The following SHROOM3 variants were observed in gnomAD, a reference collection of about 807,000 sequenced individuals.
The protein encoded by SHROOM3 is protein Shroom3.
SHROOM3 carries 47 observed loss-of-function variants against 138.6 expected under a neutral mutation model. The observed-to-expected ratio is 0.34, with a 90% CI of 0.27 to 0.43. The LOEUF (loss-of-function observed/expected upper bound fraction) is 0.43. Ranked by LOEUF, SHROOM3 falls within the 20% of genes least tolerant of loss-of-function variation. SHROOM3 has a pLI of 1.00. For missense variants in SHROOM3, 2,491 were observed against 2,596.5 expected, an observed-to-expected ratio of 0.96 and a Z score of 0.88; for synonymous variants, 1,062 against 1,063.3, an observed-to-expected ratio of 1.00 and a Z score of 0.02.
intron 2 of SHROOM3, among the ~76,000 whole-genome samples, chr4:76,648,614 C>T (rs967553707): frequency 2.0e-5 from 3 of 152,098 alleles, no homozygotes; most frequent in Admixed American, 6.6e-5. Context: ...CACTACTTCC[C>T]TCCTCCACTG....
chr4:76,498,817 C>A (rs1732024021), intron 1 of SHROOM3, among the ~76,000 whole-genome samples: 2 of 152,024 alleles, frequency 1.3e-5, no homozygotes, highest in Non-Finnish European at 2.9e-5. Flanking sequence ...TGGTTTTATG[C>A]AAACACAAAT....
intron 2 of SHROOM3, among the ~76,000 whole-genome samples, chr4:76,580,350 A>G (rs556566177): frequency 6.6e-6 from 1 of 152,208 alleles, no homozygotes; most frequent in African/African-American, 2.4e-5. Flanking sequence ...CGTAAATCCA[A>G]TATGTGCAGT....
At chr4:76,603,484 G>C (rs1419396224) in intron 2 of SHROOM3, among the ~76,000 whole-genome samples, 3 of 152,004 alleles carry the variant, frequency 2.0e-5, no homozygotes, top group Non-Finnish European at 2.9e-5. Context: ...CAACTAACAG[G>C]ACATCTATTG....
chr4:76,710,364 G>A (rs1223417675), intron 3 of SHROOM3, 77 bp downstream of exon 3: 1 of 1,569,578 alleles, frequency 6.4e-7, no homozygotes, highest in Non-Finnish European at 8.7e-7. Context: ...GCTGGGAGAG[G>A]AGTCGGGGGC....
chr4:76,463,418 G>A (rs1468540605), intron 1 of SHROOM3, among the ~76,000 whole-genome samples: 1 of 152,162 alleles, frequency 6.6e-6, no homozygotes, highest in Non-Finnish European at 1.5e-5. Context: ...TCTGAAATTA[G>A]AACTTATATT....
intron 2 of SHROOM3, among the ~76,000 whole-genome samples, chr4:76,689,220 G>T (rs1315066659): frequency 2.0e-5 from 3 of 152,070 alleles, no homozygotes; most frequent in East Asian, 3.9e-4. Context: ...GCGGAGGGGC[G>T]AGTGGAGCGC....
At chr4:76,625,251 A>G (rs1247784927) in intron 2 of SHROOM3, among the ~76,000 whole-genome samples, 1 of 152,242 alleles carries the variant, frequency 6.6e-6, no homozygotes, top group African/African-American at 2.4e-5. Flanking sequence ...AGTTTAAAAT[A>G]TCCTGGTGAG....
chr4:76,604,037 G>A (rs1734567017), intron 2 of SHROOM3, among the ~76,000 whole-genome samples: 1 of 151,752 alleles, frequency 6.6e-6, no homozygotes, highest in South Asian at 2.1e-4. Flanking sequence ...ATGTTGGCCA[G>A]GCTGGTCTCA....
intron 2 of SHROOM3, among the ~76,000 whole-genome samples, chr4:76,698,131 C>T (rs1719799225): frequency 6.6e-6 from 1 of 152,100 alleles, no homozygotes; most frequent in African/African-American, 2.4e-5. Flanking sequence ...AGCTGAGTCC[C>T]CCTTTGGGTG....
At chr4:76,475,309 T>C (rs1731463847) in intron 1 of SHROOM3, among the ~76,000 whole-genome samples, 1 of 152,216 alleles carries the variant, frequency 6.6e-6, no homozygotes, top group Non-Finnish European at 1.5e-5. Flanking sequence ...AAAACATAAC[T>C]GTATTAGTCT....
rs1301802816 is a variant in SHROOM3 at position 76,739,108 on chromosome 4, A to G, written c.935A>G (p.Asp312Gly). 1 of 1,614,206 alleles carries G rather than the reference A, an allele frequency of 6.2e-7. No homozygotes were observed. The highest frequency in any genetic ancestry group is 1.7e-5 in the Admixed American group (1 of 60,028). ...ADIRYVKTVY[D>G]TRRGVSAEYE... ...ATTCGCTATGTCAAGACAGTCTATG[A>G]CACCCGGAGGGGAGTCTCAGCAGAG... The change falls in exon 5 of 11, where the codon GAC (aspartate) becomes GGC (glycine). Residue 312 changes from aspartate (D) to glycine (G), a missense_variant. This residue lies in a region of SHROOM3 where 1,733 missense variants were observed against 1,661.6 expected (regional missense o/e 1.04). Coordinates refer to ENST00000296043, the MANE Select transcript of SHROOM3 (RefSeq NM_020859.4).
At chr4:76,663,194 T>A (rs1007809316) in intron 2 of SHROOM3, among the ~76,000 whole-genome samples, 1 of 152,154 alleles carries the variant, frequency 6.6e-6, no homozygotes, top group Non-Finnish European at 1.5e-5. Flanking sequence ...GCTAAATCTA[T>A]TCCAAGAAAA....
intron 2 of SHROOM3, among the ~76,000 whole-genome samples, chr4:76,648,229 G>T (rs1002183046): frequency 6.6e-5 from 10 of 152,124 alleles, no homozygotes; most frequent in African/African-American, 2.4e-4. Flanking sequence ...TAAGGAGGCT[G>T]GGATGGGAGG....
intron 1 of SHROOM3, among the ~76,000 whole-genome samples, chr4:76,529,504 T>G (rs1278454447): frequency 4.6e-5 from 7 of 151,942 alleles, no homozygotes. Flanking sequence ...ATATATATAT[T>G]TTAGTAGACA....
At chr4:76,587,265 A>T (rs943485828) in intron 2 of SHROOM3, 1 of 152,206 alleles carries the variant, frequency 6.6e-6, no homozygotes, top group African/African-American at 2.4e-5. Flanking sequence ...TTGATAAAAA[A>T]GACTGGTGGT....
Position 76,487,434 on chromosome 4 carries a change from A to G in SHROOM3, c.168+51214A>G, listed in dbSNP as rs187926429. Among the ~76,000 whole-genome samples the G allele has an allele frequency of 2.0e-5, 3 of 152,340 alleles. No individual in the cohort carries two copies. The East Asian group carries it at 5.8e-4, about 29-fold the overall frequency. ...ATGTACATTTTGTTTGTGTGGACATAAGCTTTTAATTCTCTTAGGCATATA... is the reference window on the plus strand; with the variant it reads ...ATGTACATTTTGTTTGTGTGGACATGAGCTTTTAATTCTCTTAGGCATATA... On this transcript the variant is annotated intron_variant, in intron 1 of 10. Transcript: ENST00000296043.
chr4:76,601,851 T>C (rs539886775), intron 2 of SHROOM3, among the ~76,000 whole-genome samples: 2 of 152,292 alleles, frequency 1.3e-5, no homozygotes, highest in East Asian at 3.9e-4. Context: ...CTATCTTCTT[T>C]ATATATAGCT....
Position 76,740,361 on chromosome 4 carries a change from G to A in SHROOM3, c.2188G>A (p.Gly730Ser), listed in dbSNP as rs997724339. The A allele has an allele frequency of 6.2e-6, 10 of 1,612,940 alleles. No individual in the cohort carries two copies. Among genetic ancestry groups the A allele is most frequent in the African/African-American group, 4.0e-5 (3 of 74,932 alleles). ...VSYPRPEGRT[G>S]ASASFNSTDP... ...CTACCCGCGGCCCGAGGGGAGGACC[G>A]GTGCCTCGGCTTCTTTCAACAGCAC... Residue 730 changes from glycine to serine, a missense_variant, in exon 5 of 11, where the codon GGT (glycine) becomes AGT (serine). Transcript: ENST00000296043. This position sits in a 1 kb window ranked among gnomAD's most constrained non-coding sequence, Gnocchi z 4.0.
intron 2 of SHROOM3, among the ~76,000 whole-genome samples, chr4:76,700,544 G>A (rs1011590771): frequency 1.3e-5 from 2 of 152,232 alleles, no homozygotes; most frequent in African/African-American, 4.8e-5. Flanking sequence ...GACTTATGGC[G>A]TGTATGTATA....
Sources: allele counts gnomAD v4.1 joint callset (sites outside exome capture counted in the v4.1 genomes callset), GRCh38; gene constraint gnomAD v4.1.1; regional missense constraint gnomAD v4.1.1; non-coding constraint Gnocchi (gnomAD v3.1); transcripts MANE v1.5; gene names NCBI Gene and HGNC (gene_info 2026-07-23, HGNC 2026-07-21).